COL5A3: variants seen among roughly 807,000 people sequenced by gnomAD.
The protein encoded by COL5A3 is collagen type V alpha 3 chain.
In COL5A3, 172 loss-of-function variants were observed where a neutral mutation model predicts 250.0. The observed-to-expected ratio is 0.69, with a 90% CI of 0.61 to 0.78. COL5A3 has a LOEUF of 0.78. COL5A3 is among the 30% of genes least tolerant of loss of function. The pLI, the probability that COL5A3 is intolerant of heterozygous loss-of-function variation, is 0.00. For synonymous variants in COL5A3, 937 were observed against 900.4 expected, an observed-to-expected ratio of 1.04 and a Z score of -0.73; for missense variants, 2,340 against 2,334.4, an observed-to-expected ratio of 1.00 and a Z score of -0.05.
chr19:9,980,141 G>C lies in COL5A3; in HGVS notation c.2605-94C>G, dbSNP rs955818808. The C allele has an allele frequency of 2.1e-5, 25 of 1,189,734 alleles. No homozygotes were observed. The African/African-American group carries it at 3.7e-4, about 18-fold the overall frequency. The allele number at this position is 1,189,734 out of a possible 1,614,324, so 73.7% of individuals were successfully genotyped here. A position where few individuals can be genotyped will look rare whatever the true frequency, so the allele number is the denominator to read the frequency against. On this transcript the variant is annotated intron_variant, in intron 35 of 66. Transcript: ENST00000264828. ...ATGACAACAGGATCGAGCACATATT[G>C]AGTGCTTACTGCATGCCAGGCATGG...
chr19:9,987,453 A>G (rs8101635), intron 27 of COL5A3, among the ~76,000 whole-genome samples: 63,809 of 151,826 alleles, frequency 0.42, 14,532 homozygotes, highest in African/African-American at 0.6. Flanking sequence ...AATGTTTCTA[A>G]AGGCTGGGCA....
In COL5A3 at chr19:10,009,069, G is replaced by C. The variant is rs1303804914; in HGVS notation, c.88+1229C>G. Among the ~76,000 whole-genome samples the C allele has an allele frequency of 6.6e-6, 1 of 151,948 alleles. No homozygotes were observed. The highest frequency in any genetic ancestry group is 6.6e-5 in the Admixed American group (1 of 15,222). Reference sequence around the variant, plus strand: ...ATGCCTAAGATTCCATGACCATGTGGATGTGTGAGCGTGGGAATGCGGCAT... The same window carrying C: ...ATGCCTAAGATTCCATGACCATGTGCATGTGTGAGCGTGGGAATGCGGCAT... On this transcript the variant is annotated intron_variant, in intron 1 of 66. Transcript: ENST00000264828. This position sits in a 1 kb window ranked among gnomAD's most constrained non-coding sequence, Gnocchi z 4.4.
chr19:9,984,529 G>T (rs1308441987), intron 31 of COL5A3, among the ~76,000 whole-genome samples: 2 of 152,216 alleles, frequency 1.3e-5, no homozygotes, highest in African/African-American at 4.8e-5. Context: ...TATGTAAGAT[G>T]TGTATTTTAT....
At position 9,993,761 on chromosome 19, in the gene COL5A3, CA is replaced by C; in HGVS notation, c.1632del (p.Gly545AspfsTer74). 2 of 1,614,142 alleles carry C rather than the reference CA, an allele frequency of 1.2e-6. No individual in the cohort carries two copies. ...CAGCCCCCATCACCTACCTTAGGTC[CA>C]GTGTCCCCTGGGAGGCCCCGAGCTC... is the stretch of plus-strand genomic sequence containing the variant. ...ADGARGLPGD[T>X]GPKGDRGFDG... On this transcript the variant is annotated frameshift_variant, in exon 17 of 67. Coordinates refer to ENST00000264828, the MANE Select transcript of COL5A3 (RefSeq NM_015719.4). LOFTEE classifies it high-confidence loss of function.
chr19:9,962,746 C>G, intron 65 of COL5A3, 73 bp downstream of exon 65: 3 of 1,219,378 alleles, frequency 2.5e-6, no homozygotes, highest in Admixed American at 2.0e-5. Flanking sequence ...CCTCTCAGAA[C>G]CCACCCCTCA....
intron 35 of COL5A3, 129 bp from the exon 36 acceptor site, chr19:9,980,176 T>G: frequency 1.2e-6 from 1 of 863,366 alleles, no homozygotes; most frequent in South Asian, 1.6e-5. Context: ...GGCAGGGCAT[T>G]CTCCACAAGT....
intron 5 of COL5A3, 91 bp downstream of exon 5, chr19:10,003,950 G>C (rs778218843): frequency 4.3e-5 from 49 of 1,149,594 alleles, no homozygotes; most frequent in Non-Finnish European, 6.0e-5. Context: ...CCCATGTCTG[G>C]GGGATGAGAA....
intron 6 of COL5A3, among the ~76,000 whole-genome samples, 155 bp downstream of exon 6, chr19:10,003,410 C>T (rs2087391662): frequency 6.6e-6 from 1 of 151,866 alleles, no homozygotes; most frequent in African/African-American, 2.4e-5. Flanking sequence ...AGTCAGAGCT[C>T]ATGGATCCGA....
chr19:9,974,104 C>G (rs2086888842), intron 47 of COL5A3, 67 bp downstream of exon 47: 1 of 1,561,102 alleles, frequency 6.4e-7, no homozygotes. Flanking sequence ...TCAAATGAAT[C>G]TAATGCCTGC....
In COL5A3 at chr19:9,968,112, G is replaced by T. The variant is rs1201428807; in HGVS notation, c.4315-33C>A. On this transcript the variant is annotated intron_variant, in intron 59 of 66. Transcript: ENST00000264828. This position sits in a 1 kb window ranked among gnomAD's most constrained non-coding sequence, Gnocchi z 4.1. ...AAGGACATCGGGTCAGTATTGGTGG[G>T]GTACACCCTATTGCCCTGACACATC... The T allele has an allele frequency of 2.5e-6, 4 of 1,571,962 alleles. No individual in the cohort carries two copies. Among genetic ancestry groups the T allele is most frequent in the Non-Finnish European group, 3.4e-6 (4 of 1,160,548 alleles).
Position 10,009,674 on chromosome 19 carries a change from G to A in COL5A3, c.88+624C>T, listed in dbSNP as rs1164879348. On this transcript the variant is annotated intron_variant, in intron 1 of 66. Coordinates refer to ENST00000264828, the MANE Select transcript of COL5A3 (RefSeq NM_015719.4). This position sits in a 1 kb window ranked among gnomAD's most constrained non-coding sequence, Gnocchi z 4.4. ...GCGCTCGCCAATTTGGGGCAGAGGA[G>A]GAAAAGGGAGAATGAGGTGAAGCCA... Among the ~76,000 whole-genome samples, 2 of 152,112 alleles carry A rather than the reference G, an allele frequency of 1.3e-5. No individual in the cohort carries two copies. Among genetic ancestry groups the A allele is most frequent in the Non-Finnish European group, 2.9e-5 (2 of 68,018 alleles).
intron 27 of COL5A3, among the ~76,000 whole-genome samples, chr19:9,988,060 T>C (rs11085512): frequency 0.42 from 63,698 of 151,484 alleles, 14,480 homozygotes; most frequent in African/African-American, 0.6. Flanking sequence ...CATGGAGAAA[T>C]CCTGTCTCTA....
At chr19:10,004,282 T>A in intron 4 of COL5A3, 137 bp from the exon 5 acceptor site, 1 of 648,228 alleles carries the variant, frequency 1.5e-6, no homozygotes, top group South Asian at 1.8e-5. Flanking sequence ...ATGCTAAGTA[T>A]AAGGAAGAGA....
chr19:9,993,219 C>A, intron 19 of COL5A3, 152 bp from the exon 20 acceptor site: 1 of 1,137,024 alleles, frequency 8.8e-7, no homozygotes, highest in Middle Eastern at 2.0e-4. Flanking sequence ...CATTCAGGCC[C>A]CTGACTCCAA....
intron 37 of COL5A3, 122 bp from the exon 38 acceptor site, chr19:9,979,539 C>T: frequency 9.3e-7 from 1 of 1,077,912 alleles, no homozygotes; most frequent in Non-Finnish European, 1.4e-6. Context: ...CCTGTAATCC[C>T]AGCACTTTGG....
chr19:9,973,670 C>G (rs772879344), intron 49 of COL5A3, 47 bp from the exon 50 acceptor site: 1 of 1,610,678 alleles, frequency 6.2e-7, no homozygotes, highest in South Asian at 1.1e-5. Context: ...TCCTAGCAGA[C>G]AGGGAGGGGC....
intron 1 of COL5A3, among the ~76,000 whole-genome samples, chr19:10,007,350 C>T (rs1464498806): frequency 6.6e-6 from 1 of 152,222 alleles, no homozygotes; most frequent in East Asian, 1.9e-4. Flanking sequence ...TTCTGACCAG[C>T]TGTCTCCGAT....
intron 54 of COL5A3, among the ~76,000 whole-genome samples, chr19:9,970,375 A>G (rs1432065866): frequency 4.3e-4 from 12 of 28,032 alleles, no homozygotes; most frequent in East Asian, 1.3e-3. Context: ...TCTGTGGGGT[A>G]AGCGGGGGCT....
intron 25 of COL5A3, 25 bp downstream of exon 25, chr19:9,989,444 C>T: frequency 6.2e-7 from 1 of 1,613,684 alleles, no homozygotes; most frequent in Non-Finnish European, 8.5e-7. Flanking sequence ...TCTCCTTCCT[C>T]CTTTTCCCAG....
Sources: allele counts gnomAD v4.1 joint callset (sites outside exome capture counted in the v4.1 genomes callset), GRCh38; gene constraint gnomAD v4.1.1; non-coding constraint Gnocchi (gnomAD v3.1); transcripts MANE v1.5; gene names NCBI Gene and HGNC (gene_info 2026-07-23, HGNC 2026-07-21).